CHST11: variants seen among roughly 807,000 people sequenced by gnomAD.
The protein encoded by CHST11 is C4S-1.
A neutral mutation model predicts 30.4 loss-of-function variants in CHST11; 9 were observed. That is an observed-to-expected ratio of 0.30 (90% confidence interval 0.18 to 0.52). The LOEUF (loss-of-function observed/expected upper bound fraction) is 0.52, where lower values mean the gene tolerates loss of function less well. CHST11 is among the 20% of genes least tolerant of loss of function. CHST11 has a pLI of 0.97. For synonymous variants in CHST11, 152 were observed against 187.8 expected, an observed-to-expected ratio of 0.81 and a Z score of 1.56; for missense variants, 348 against 460.6, an observed-to-expected ratio of 0.76 and a Z score of 2.24.
intron 2 of CHST11, among the ~76,000 whole-genome samples, chr12:104,675,749 C>A (rs147467669): frequency 6.6e-6 from 1 of 152,304 alleles, no homozygotes; most frequent in East Asian, 1.9e-4. Flanking sequence ...GCCATTCTTA[C>A]AGGGTTGTTT....
At chr12:104,611,219 T>C (rs146349456) in intron 2 of CHST11, among the ~76,000 whole-genome samples, 40 of 145,332 alleles carry the variant, frequency 2.8e-4, no homozygotes, top group Non-Finnish European at 5.9e-4. Context: ...TATTTCCATA[T>C]TTAGTCAATA....
Position 104,499,694 on chromosome 12 carries a change from A to G in CHST11, c.118+42165A>G, listed in dbSNP as rs933032382. On this transcript the variant is annotated intron_variant, in intron 1 of 2. Transcript: ENST00000303694. The stretch of plus-strand genomic sequence containing the variant: ...CTGGAAGAGTTCACACCAAAAAAAA[A>G]GAAGGAAAAAAGGCAGGAAGGGAAA... Among the ~76,000 whole-genome samples the G allele has an allele frequency of 5.9e-5, 9 of 152,234 alleles. No individual in the cohort carries two copies. The South Asian group carries it at 1.7e-3, about 28-fold the overall frequency.
intron 1 of CHST11, among the ~76,000 whole-genome samples, chr12:104,583,157 C>G (rs568238608): frequency 2.0e-5 from 3 of 152,194 alleles, no homozygotes; most frequent in African/African-American, 7.2e-5. Flanking sequence ...ACATGGTTTT[C>G]TTACTTTCTG....
At chr12:104,605,303 T>C (rs2038994497) in intron 2 of CHST11, among the ~76,000 whole-genome samples, 1 of 152,196 alleles carries the variant, frequency 6.6e-6, no homozygotes, top group Admixed American at 6.5e-5. Flanking sequence ...TTTTTTATTT[T>C]AGTGTCCAAG....
intron 1 of CHST11, among the ~76,000 whole-genome samples, chr12:104,476,275 CAT>C (rs1320587896): frequency 6.7e-6 from 1 of 149,416 alleles, no homozygotes; most frequent in Non-Finnish European, 1.5e-5. Context: ...AATATGTACA[CAT>C]GTAGTATATA....
chr12:104,683,276 C>T (rs1454659203), intron 2 of CHST11, among the ~76,000 whole-genome samples: 4 of 152,190 alleles, frequency 2.6e-5, no homozygotes, highest in Middle Eastern at 3.4e-3. Flanking sequence ...TGCTAGCTCC[C>T]CACCCCAAAA....
intron 2 of CHST11, among the ~76,000 whole-genome samples, chr12:104,680,313 G>A (rs556998742): frequency 1.4e-4 from 21 of 152,320 alleles, no homozygotes; most frequent in African/African-American, 5.1e-4. Context: ...GACATCTCAG[G>A]GACATACTGA....
chr12:104,490,776 C>T lies in CHST11; in HGVS notation c.118+33247C>T, dbSNP rs78636719. ...ACATTTAAAAAAAGTCAGCGTGGCACGTTTTAGTATGTGTGGCAGATCTAA... is the reference window on the plus strand; with the variant it reads ...ACATTTAAAAAAAGTCAGCGTGGCATGTTTTAGTATGTGTGGCAGATCTAA... On this transcript the variant is annotated intron_variant, in intron 1 of 2. Transcript: ENST00000303694. 1.8e-3 allele frequency among the ~76,000 whole-genome samples: 280 copies of T among 152,220 alleles called. 1 individual carries two copies. The highest frequency in any genetic ancestry group is 6.5e-3 in the African/African-American group (269 of 41,540).
At chr12:104,755,256 T>C (rs1292719061) in intron 2 of CHST11, among the ~76,000 whole-genome samples, 1 of 152,186 alleles carries the variant, frequency 6.6e-6, no homozygotes, top group Non-Finnish European at 1.5e-5. Flanking sequence ...ACTGGAGGAT[T>C]TCACGGATAC....
At chr12:104,492,108 T>G (rs957621280) in intron 1 of CHST11, among the ~76,000 whole-genome samples, 1 of 152,182 alleles carries the variant, frequency 6.6e-6, no homozygotes, top group African/African-American at 2.4e-5. Flanking sequence ...TTTTATTTAT[T>G]TATTTAGAGA....
At chr12:104,740,187 C>T (rs747805495) in intron 2 of CHST11, among the ~76,000 whole-genome samples, 11 of 152,172 alleles carry the variant, frequency 7.2e-5, no homozygotes, top group East Asian at 1.9e-4. Context: ...TGAAATCAGG[C>T]CAGCCCAGGG....
intron 2 of CHST11, among the ~76,000 whole-genome samples, chr12:104,755,740 C>T (rs1391319825): frequency 1.3e-5 from 2 of 152,058 alleles, no homozygotes; most frequent in South Asian, 2.1e-4. Flanking sequence ...GAGCTGAGAT[C>T]GCGCCACTGC....
rs117064783 is a variant in CHST11, at chr12:104,661,149, G to A, written c.204+59158G>A. On this transcript the variant is annotated intron_variant, in intron 2 of 2. Transcript: ENST00000303694. ...TCTCTGAGCAAGTGACAACTTCTCC[G>A]AGACTCAGTTTCCTCATCCATAAAA... Among the ~76,000 whole-genome samples the A allele has an allele frequency of 7.2e-4, 110 of 152,282 alleles. No homozygotes were observed. The East Asian group carries it at 0.011, about 15-fold the overall frequency.
At chr12:104,669,591 C>T (rs1246336890) in intron 2 of CHST11, among the ~76,000 whole-genome samples, 1 of 152,146 alleles carries the variant, frequency 6.6e-6, no homozygotes, top group Non-Finnish European at 1.5e-5. Context: ...TAGAGTGCTC[C>T]CCCTTTCTGC....
chr12:104,682,338 A>G (rs188547348), intron 2 of CHST11, among the ~76,000 whole-genome samples: 1,847 of 152,358 alleles, frequency 0.012, 27 homozygotes, highest in Non-Finnish European at 0.017. Context: ...TTGAGGAATA[A>G]AAGTGTTCAT....
In CHST11 at chr12:104,457,492, C is replaced by T. The variant is rs762287130; in HGVS notation, c.81C>T (p.Ile27=). Residue 27 remains isoleucine, a synonymous_variant, in exon 1 of 3, where the codon ATC becomes ATT. Coordinates refer to ENST00000303694, the MANE Select transcript of CHST11 (RefSeq NM_018413.6). The part of the protein sequence containing the change: ...MVLATCLGSF[I]LVIFYFQSML... ...TGGCCACTTGCTTGGGATCCTTTAT[C>T]CTGGTCATCTTCTATTTCCAAAGTA... is the stretch of plus-strand genomic sequence containing the variant. The T allele has an allele frequency of 3.7e-6, 6 of 1,613,974 alleles. No individual in the cohort carries two copies. In the Admixed American group the frequency reaches 8.3e-5, roughly 22 times the overall value.
At chr12:104,711,728 T>G (rs1006868724) in intron 2 of CHST11, among the ~76,000 whole-genome samples, 1 of 151,854 alleles carries the variant, frequency 6.6e-6, no homozygotes, top group South Asian at 2.1e-4. Context: ...TAAAAAAAAA[T>G]AAAAAATAAA....
At chr12:104,468,353 C>T (rs548098910) in intron 1 of CHST11, among the ~76,000 whole-genome samples, 7 of 152,158 alleles carry the variant, frequency 4.6e-5, no homozygotes, top group South Asian at 4.2e-4. Context: ...CCATGGGACT[C>T]GTATAATGTA....
intron 1 of CHST11, among the ~76,000 whole-genome samples, chr12:104,457,922 C>T (rs532243614): frequency 2.0e-5 from 3 of 152,080 alleles, no homozygotes; most frequent in Non-Finnish European, 4.4e-5. Context: ...AAACTCCCTC[C>T]CTGCTGCTGC....
Sources: allele counts gnomAD v4.1 joint callset (sites outside exome capture counted in the v4.1 genomes callset), GRCh38; gene constraint gnomAD v4.1.1; transcripts MANE v1.5; gene names NCBI Gene and HGNC (gene_info 2026-07-23, HGNC 2026-07-21).